The following KPNA7 variants were observed in gnomAD, a reference collection of about 807,000 sequenced individuals.
The protein encoded by KPNA7 is karyopherin subunit alpha 7, also known as importin subunit alpha-8.
Under a neutral mutation model 53.7 loss-of-function variants are expected in KPNA7, and 54 were observed. The observed-to-expected ratio is 1.01, with a 90% CI of 0.81 to 1.26. The LOEUF is 1.26. Among genes scored for constraint, KPNA7 ranks in the 50% most tolerant of loss-of-function variants. The pLI is 0.00. For missense variants in KPNA7, 640 were observed against 644.5 expected (o/e 0.99, Z 0.07); for synonymous variants, 276 against 259.3 (o/e 1.06, Z -0.62).
chr7:99,169,105 G>A (rs1388259252), downstream of KPNA7, among the ~76,000 whole-genome samples: 1 of 152,114 alleles, frequency 6.6e-6, no homozygotes, highest in East Asian at 1.9e-4. Flanking sequence ...GCAGTGAGCT[G>A]AGATCGCGCC....
At chr7:99,180,833 G>C (rs1443594168) in intron 9 of KPNA7, among the ~76,000 whole-genome samples, 1 of 7,324 alleles carries the variant, frequency 1.4e-4, no homozygotes, top group African/African-American at 5.0e-4. Context: ...CTCTCTCCCC[G>C]TCTGTCTCTC....
chr7:99,171,636 C>A (rs2150690528), downstream of KPNA7, among the ~76,000 whole-genome samples: 1 of 152,310 alleles, frequency 6.6e-6, no homozygotes, highest in Middle Eastern at 3.4e-3. Context: ...TGGCACACAT[C>A]TGTAGACCCA....
intron 4 of KPNA7, among the ~76,000 whole-genome samples, chr7:99,195,753 G>A (rs1055025782): frequency 2.4e-4 from 36 of 152,088 alleles, no homozygotes; most frequent in Non-Finnish European, 1.0e-4. Context: ...TAGCTGGGCC[G>A]GAGCTACTTA....
chr7:99,203,722 T>A (rs1790663528), intron 2 of KPNA7, among the ~76,000 whole-genome samples: 1 of 152,048 alleles, frequency 6.6e-6, no homozygotes, highest in Admixed American at 6.6e-5. Flanking sequence ...ATATTTGTTT[T>A]CTTTTTGAGA....
chr7:99,146,729 AAAAAAAAAAAAAAAAAAAAC>A, the KPNA7 span, among the ~76,000 whole-genome samples: 1 of 132,298 alleles, frequency 7.6e-6, no homozygotes, highest in African/African-American at 3.1e-5. Flanking sequence ...AAAAAAAAAA[AAAAAAAAAAAAAAAAAAAAC>A]AACGGAAAAT....
intron 9 of KPNA7, among the ~76,000 whole-genome samples, chr7:99,181,071 C>CT (rs36196658): frequency 5.3e-5 from 1 of 18,828 alleles, no homozygotes; most frequent in Admixed American, 6.4e-4. Context: ...GTCTCTCTCT[C>CT]CATCTGTGTC....
downstream of KPNA7, among the ~76,000 whole-genome samples, chr7:99,170,391 G>C (rs1461109306): frequency 1.3e-5 from 2 of 152,008 alleles, no homozygotes; most frequent in Non-Finnish European, 2.9e-5. Flanking sequence ...AAGAGATAAA[G>C]TAGAATACCC....
At chr7:99,157,885 C>A in the KPNA7 span, among the ~76,000 whole-genome samples, 1 of 152,056 alleles carries the variant, frequency 6.6e-6, no homozygotes, top group Non-Finnish European at 1.5e-5. Flanking sequence ...AGCAATCCTC[C>A]CACCTCAGCC....
At chr7:99,205,356 G>A (rs1290323794) in intron 2 of KPNA7, among the ~76,000 whole-genome samples, 1 of 143,286 alleles carries the variant, frequency 7.0e-6, no homozygotes, top group Non-Finnish European at 1.5e-5. Context: ...AGGTTGCAGT[G>A]AGCCAAGATC....
At chr7:99,156,505 A>G in the KPNA7 span, among the ~76,000 whole-genome samples, 1 of 151,684 alleles carries the variant, frequency 6.6e-6, no homozygotes, top group Non-Finnish European at 1.5e-5. Flanking sequence ...CAGCCTAGAG[A>G]TTTACTTTCT....
chr7:99,179,986 A>G (rs1037846723), intron 9 of KPNA7, among the ~76,000 whole-genome samples: 1 of 152,140 alleles, frequency 6.6e-6, no homozygotes, highest in Non-Finnish European at 1.5e-5. Flanking sequence ...TTCCCCACCC[A>G]CATTGAATGG....
intron 8 of KPNA7, among the ~76,000 whole-genome samples, chr7:99,182,439 G>A (rs904081921): frequency 2.6e-5 from 4 of 151,906 alleles, no homozygotes; most frequent in African/African-American, 4.8e-5. Context: ...CTCATGATGC[G>A]CCTGTCTCGC....
At chr7:99,212,133 G>C (rs1791088849), upstream of KPNA7, among the ~76,000 whole-genome samples, 2 of 150,402 alleles carry the variant, frequency 1.3e-5, no homozygotes, top group South Asian at 4.2e-4. Flanking sequence ...CAACACATCA[G>C]AACTCAGTAT....
chr7:99,195,192 C>T lies in KPNA7; in HGVS notation c.431G>A (p.Gly144Glu), dbSNP rs1317942318. 6.4e-7 allele frequency: 1 copy of T among 1,551,434 alleles called. No homozygotes were observed. Among genetic ancestry groups the T allele is most frequent in the African/African-American group, 1.4e-5 (1 of 72,970 alleles). Reference protein sequence around the residue: ...AAWALTNIASGTSEQTRAVVE... With the variant: ...AAWALTNIASETSEQTRAVVE... Reference sequence around the variant, plus strand: ...CACGGCACGAGTCTGCTCCGAAGTCCCTGAAGCGATGTTGGTCAGGGCCCA... The same window carrying T: ...CACGGCACGAGTCTGCTCCGAAGTCTCTGAAGCGATGTTGGTCAGGGCCCA... The change falls in exon 5 of 11, where the codon GGG (glycine) becomes GAG (glutamate). Residue 144 changes from glycine (G) to glutamate (E), a missense_variant. By Grantham distance (98) the Gly-to-Glu change is moderately conservative. Transcript: ENST00000327442.
rs759518479 is a variant in KPNA7 at position 99,182,011 on chromosome 7, C to T, written c.1189G>A (p.Gly397Arg). ...TGGATCAGCTGATCCATGGTGGCCC[C>T]TGTTGCAAAGTTCGCCACCATCCAG... ...AVWMVANFAT[G>R]ATMDQLIQLV... Residue 397 changes from glycine to arginine, a missense_variant, in exon 9 of 11, where the codon GGG becomes AGG. Coordinates refer to ENST00000327442, the MANE Select transcript of KPNA7 (RefSeq NM_001145715.3). 4 of 1,549,316 alleles carry T rather than the reference C, an allele frequency of 2.6e-6. No individual in the cohort carries two copies. Among genetic ancestry groups the T allele is most frequent in the Non-Finnish European group, 3.5e-6 (4 of 1,145,134 alleles).
At chr7:99,184,438 C>T (rs1389292121) in intron 8 of KPNA7, among the ~76,000 whole-genome samples, 4 of 152,182 alleles carry the variant, frequency 2.6e-5, no homozygotes, top group Non-Finnish European at 1.5e-5. Context: ...GTCGGAATTA[C>T]AGTCGTGAGC....
chr7:99,218,908 T>G (rs1405482487), intron 1 of KPNA7, among the ~76,000 whole-genome samples: 1 of 152,234 alleles, frequency 6.6e-6, no homozygotes, highest in Non-Finnish European at 1.5e-5. Flanking sequence ...CCGGGGCTCG[T>G]GCACACATTC....
chr7:99,163,814 AGTTAC>A, the KPNA7 span, among the ~76,000 whole-genome samples: 4 of 152,198 alleles, frequency 2.6e-5, no homozygotes, highest in Admixed American at 2.6e-4. Flanking sequence ...TAATGTCTCG[AGTTAC>A]GGTATCATTT....
At chr7:99,200,882 G>A (rs1371122897) in intron 3 of KPNA7, among the ~76,000 whole-genome samples, 3 of 151,674 alleles carry the variant, frequency 2.0e-5, no homozygotes, top group African/African-American at 4.8e-5. Flanking sequence ...GCAGGAGAAT[G>A]GCTTGATCCC....
Sources: allele counts gnomAD v4.1 joint callset (sites outside exome capture counted in the v4.1 genomes callset), GRCh38; gene constraint gnomAD v4.1.1; transcripts MANE v1.5; gene names NCBI Gene and HGNC (gene_info 2026-07-23, HGNC 2026-07-21).